Variants in MTREX observed in about 807,000 individuals in gnomAD.
The protein encoded by MTREX is Mtr4 exosome RNA helicase.
MTREX carries 76 observed loss-of-function variants against 135.4 expected under a neutral mutation model. The observed-to-expected ratio is 0.56, with a 90% CI of 0.47 to 0.68. MTREX has a LOEUF of 0.68. MTREX is among the 30% of genes least tolerant of loss of function. MTREX has a pLI of 0.00. For missense variants in MTREX, 920 were observed against 1,262.1 expected (o/e 0.73, Z 4.11); for synonymous variants, 404 against 401.6 (o/e 1.01, Z -0.07).
chr5:55,328,578 TAAAA>T, intron 4 of MTREX, 117 bp from the exon 5 acceptor site: 1 of 627,698 alleles, frequency 1.6e-6, no homozygotes, highest in Non-Finnish European at 2.8e-6. Context: ...ATTTTCTAAA[TAAAA>T]TCATAAAGGA....
At chr5:55,391,531 C>T (rs946631221) in intron 19 of MTREX, among the ~76,000 whole-genome samples, 1 of 152,150 alleles carries the variant, frequency 6.6e-6, no homozygotes, top group Non-Finnish European at 1.5e-5. Context: ...AACATCTTCA[C>T]ATATGTCCCT....
chr5:55,422,242 C>A (rs1033433201), intron 25 of MTREX, among the ~76,000 whole-genome samples: 1 of 152,076 alleles, frequency 6.6e-6, no homozygotes. Flanking sequence ...AGCTTTGATA[C>A]AAACACTTTT....
chr5:55,331,870 T>C (rs2112044251), intron 5 of MTREX, among the ~76,000 whole-genome samples: 1 of 152,326 alleles, frequency 6.6e-6, no homozygotes, highest in East Asian at 1.9e-4. Context: ...ATCCAGTGTA[T>C]GAAACCACTG....
At chr5:55,354,027 G>C (rs563975947) in intron 14 of MTREX, among the ~76,000 whole-genome samples, 22 of 152,300 alleles carry the variant, frequency 1.4e-4, no homozygotes, top group African/African-American at 5.3e-4. Context: ...GGGAGCATAG[G>C]TGAAACAATG....
chr5:55,358,778 A>T, intron 15 of MTREX, 80 bp downstream of exon 15: 4 of 1,209,402 alleles, frequency 3.3e-6, no homozygotes, highest in Admixed American at 2.6e-5. Flanking sequence ...TGGTTGTGTC[A>T]GTCAGACACC....
chr5:55,340,772 G>A (rs997910572), intron 6 of MTREX, among the ~76,000 whole-genome samples: 10 of 151,960 alleles, frequency 6.6e-5, no homozygotes, highest in African/African-American at 2.2e-4. Context: ...TAGTAGAGAC[G>A]GGGTTTCACC....
At chr5:55,354,031 A>G (rs1316833642) in intron 14 of MTREX, among the ~76,000 whole-genome samples, 1 of 152,224 alleles carries the variant, frequency 6.6e-6, no homozygotes, top group African/African-American at 2.4e-5. Flanking sequence ...GCATAGGTGA[A>G]ACAATGAACT....
chr5:55,424,975 G>T lies in MTREX; in HGVS notation c.*203G>T. The T allele has an allele frequency of 1.5e-6, 1 of 646,020 alleles. No individual in the cohort carries two copies. The allele number at this position is 646,020 out of a possible 1,614,324, so 40.0% of individuals were successfully genotyped here. On this transcript the variant is annotated 3_prime_UTR_variant, in exon 27 of 27. Coordinates refer to ENST00000230640, the MANE Select transcript of MTREX (RefSeq NM_015360.5). ...TTTTTTAATAAAAATGTATACAGGT[G>T]GGGCACTGTTTTGGTGGAAGGCTTG...
At chr5:55,354,552 G>A (rs181950600) in intron 14 of MTREX, among the ~76,000 whole-genome samples, 172 of 152,304 alleles carry the variant, frequency 1.1e-3, no homozygotes, top group Admixed American at 2.5e-3. Context: ...AAATAAAGGC[G>A]AAACATTTTT....
chr5:55,377,267 C>A (rs1369181188), intron 16 of MTREX, among the ~76,000 whole-genome samples: 1 of 152,034 alleles, frequency 6.6e-6, no homozygotes, highest in Non-Finnish European at 1.5e-5. Context: ...GCAGATCTTG[C>A]AGTGAGCCGA....
At chr5:55,312,077 A>G (rs1209052410) in intron 1 of MTREX, among the ~76,000 whole-genome samples, 3 of 152,178 alleles carry the variant, frequency 2.0e-5, no homozygotes, top group Non-Finnish European at 4.4e-5. Context: ...AACCTTTCAC[A>G]TGACGGCTTT....
rs1420566364 is a variant in MTREX at position 55,405,478 on chromosome 5, C to T, written c.2535C>T (p.Val845=). ...GAGAACTGAAGAAAGCAAGAACAGT[C>T]CTACAAATGGATGAACTCAAATGTC... is the stretch of plus-strand genomic sequence containing the variant. ...AKRELKKART[V]LQMDELKCRK... The change falls in exon 22 of 27, where the codon GTC becomes GTT. Residue 845 remains valine, a synonymous_variant. Coordinates refer to ENST00000230640, the MANE Select transcript of MTREX (RefSeq NM_015360.5). The T allele has an allele frequency of 6.2e-7, 1 of 1,613,668 alleles. No individual in the cohort carries two copies. Among genetic ancestry groups the T allele is most frequent in the African/African-American group, 1.3e-5 (1 of 74,904 alleles).
chr5:55,308,243 T>C, intron 1 of MTREX, 96 bp downstream of exon 1: 1 of 1,402,324 alleles, frequency 7.1e-7, no homozygotes, highest in Non-Finnish European at 9.5e-7. Flanking sequence ...AAGTGAAGTG[T>C]ACATTGAGTG....
intron 16 of MTREX, among the ~76,000 whole-genome samples, chr5:55,373,086 G>A (rs1315787147): frequency 2.0e-5 from 3 of 150,194 alleles, no homozygotes; most frequent in African/African-American, 7.3e-5. Flanking sequence ...TTTATTTAAG[G>A]CAGGGTTGTT....
intron 2 of MTREX, 56 bp downstream of exon 2, chr5:55,322,520 G>A: frequency 7.2e-7 from 1 of 1,385,784 alleles, no homozygotes; most frequent in Non-Finnish European, 9.7e-7. Context: ...GGTTACATGA[G>A]GTTTTAAAAA....
rs60169736 is a variant in MTREX at position 55,379,573 on chromosome 5, GACACAC to G, written c.2052+411_2052+416del. Among the ~76,000 whole-genome samples, 940 of 143,890 alleles carry G rather than the reference GACACAC, an allele frequency of 6.5e-3. 11 individuals are homozygous for G. The highest frequency in any genetic ancestry group is 0.021 in the African/African-American group (799 of 38,598). The allele number at this position is 143,890 out of a possible 152,430, so 94.4% of individuals were successfully genotyped here. ...TTCCTTCCACTCCCCAAATCTCCCT[GACACAC>G]ACACACACACACACACACACACACA... On this transcript the variant is annotated intron_variant, in intron 18 of 26. Transcript: ENST00000230640.
intron 18 of MTREX, among the ~76,000 whole-genome samples, chr5:55,380,232 G>A (rs1053578839): frequency 1.3e-5 from 2 of 152,042 alleles, no homozygotes; most frequent in African/African-American, 4.8e-5. Context: ...GAGCCACCAC[G>A]CCCGGCCTGT....
rs1750354712 is a variant in MTREX at position 55,379,211 on chromosome 5, T to C, written c.2052+16T>C. ...AAATGTTAAGGTAAACTATTATCTT[T>C]AAATTAGAATTGTATATCAATTTTT... is the stretch of plus-strand genomic sequence containing the variant. On this transcript the variant is annotated intron_variant, in intron 18 of 26. Coordinates refer to ENST00000230640, the MANE Select transcript of MTREX (RefSeq NM_015360.5). The C allele has an allele frequency of 6.9e-7, 1 of 1,446,370 alleles. No homozygotes were observed. Among genetic ancestry groups the C allele is most frequent in the Non-Finnish European group, 9.7e-7 (1 of 1,033,774 alleles). 89.6% of individuals were successfully genotyped at this position (1,446,370 alleles called of 1,614,324 possible). A position where few individuals can be genotyped will look rare whatever the true frequency, so the allele number is the denominator to read the frequency against.
intron 14 of MTREX, among the ~76,000 whole-genome samples, chr5:55,355,333 G>A (rs910964257): frequency 6.6e-6 from 1 of 152,152 alleles, no homozygotes; most frequent in South Asian, 2.1e-4. Flanking sequence ...ATTGAACCAG[G>A]GCTGACAATG....
Sources: gnomAD v4.1 joint callset for allele counts (sites outside exome capture counted in the v4.1 genomes callset) on GRCh38, gnomAD v4.1.1 for gene constraint, MANE v1.5 for transcripts, NCBI Gene and HGNC (gene_info 2026-07-23, HGNC 2026-07-21) for gene names.